Variants in EPHA5 observed in about 807,000 individuals in gnomAD.
The protein encoded by EPHA5 is EPH receptor A5, also known as ephrin type-A receptor 5.
A neutral mutation model predicts 105.0 loss-of-function variants in EPHA5; 60 were observed. The ratio of observed to expected loss-of-function variants is 0.57; its 90% CI spans 0.46 to 0.71. EPHA5 has a LOEUF of 0.71. Among genes scored for constraint, EPHA5 ranks in the 30% least tolerant of loss-of-function variants. The pLI, the probability that EPHA5 is intolerant of heterozygous loss-of-function variation, is 0.00. For missense variants in EPHA5, 1,218 were observed against 1,274.7 expected, an observed-to-expected ratio of 0.96 and a Z score of 0.68; for synonymous variants, 513 against 449.1, an observed-to-expected ratio of 1.14 and a Z score of -1.80.
chr4:65,636,571 A>G (rs962456252), intron 2 of EPHA5, among the ~76,000 whole-genome samples: 1 of 151,876 alleles, frequency 6.6e-6, no homozygotes, highest in African/African-American at 2.4e-5. Context: ...GTGCATTGTC[A>G]TTATTAGTAC....
At chr4:65,630,695 C>A (rs767651672) in intron 2 of EPHA5, among the ~76,000 whole-genome samples, 24 of 152,150 alleles carry the variant, frequency 1.6e-4, no homozygotes, top group Non-Finnish European at 2.9e-4. Context: ...CAAATTATTT[C>A]TTCTAAGGAG....
intron 3 of EPHA5, among the ~76,000 whole-genome samples, chr4:65,587,439 T>C (rs1742225482): frequency 6.6e-6 from 1 of 152,118 alleles, no homozygotes; most frequent in Non-Finnish European, 1.5e-5. Flanking sequence ...CTGTACTATT[T>C]ACAGGAGCAG....
intron 5 of EPHA5, among the ~76,000 whole-genome samples, chr4:65,477,649 T>C (rs1729955972): frequency 6.6e-6 from 1 of 152,034 alleles, no homozygotes; most frequent in South Asian, 2.1e-4. Flanking sequence ...CTTGACCTCA[T>C]GATCACCCCT....
At chr4:65,655,925 A>C (rs992782616) in intron 1 of EPHA5, among the ~76,000 whole-genome samples, 2 of 152,112 alleles carry the variant, frequency 1.3e-5, no homozygotes, top group Non-Finnish European at 2.9e-5. Context: ...TCTTCCATAC[A>C]ACATTCCTTT....
chr4:65,406,178 A>C lies in EPHA5; in HGVS notation c.1688-1699T>G, dbSNP rs138821347. Among the ~76,000 whole-genome samples, 157 of 152,272 alleles carry C rather than the reference A, an allele frequency of 1.0e-3. 1 individual carries two copies. Among genetic ancestry groups the C allele is most frequent in the African/African-American group, 3.5e-3 (146 of 41,566 alleles). On this transcript the variant is annotated intron_variant, in intron 7 of 16. Transcript: ENST00000613740. ...AAACTACTCTGCTGCTTACAAGCCTAAGCAGATATCACCTTTAGGGAGAAA... is the reference window on the plus strand; with the variant it reads ...AAACTACTCTGCTGCTTACAAGCCTCAGCAGATATCACCTTTAGGGAGAAA...
chr4:65,492,272 G>A (rs1447691661), intron 4 of EPHA5, among the ~76,000 whole-genome samples: 1 of 151,908 alleles, frequency 6.6e-6, no homozygotes, highest in Admixed American at 6.6e-5. Context: ...AGTGATTTTG[G>A]CTCATTGCCA....
At chr4:65,594,662 T>C (rs768304662) in intron 3 of EPHA5, among the ~76,000 whole-genome samples, 8 of 152,142 alleles carry the variant, frequency 5.3e-5, no homozygotes, top group Non-Finnish European at 8.8e-5. Flanking sequence ...GTCTTTTCTT[T>C]CATTGCCAAG....
chr4:65,419,283 A>C (rs536972580), intron 6 of EPHA5, among the ~76,000 whole-genome samples: 8 of 152,250 alleles, frequency 5.3e-5, no homozygotes, highest in African/African-American at 1.9e-4. Context: ...GATGGTGAGG[A>C]GAACCATTTA....
chr4:65,330,972 T>A (rs1413035851), intron 16 of EPHA5: 1 of 1,044,814 alleles, frequency 9.6e-7, no homozygotes, highest in African/African-American at 1.7e-5. Context: ...CCTGTTACCT[T>A]CTGTGGGGAG....
chr4:65,450,097 C>T (rs1015374507), intron 5 of EPHA5, among the ~76,000 whole-genome samples: 6 of 152,178 alleles, frequency 3.9e-5, no homozygotes, highest in South Asian at 2.1e-4. Context: ...ATGAATATTA[C>T]GTTTTTAAAT....
chr4:65,573,434 AAG>A lies in EPHA5; in HGVS notation c.910+28205_910+28206del. The A allele has an allele frequency of 1.2e-5, 13 of 1,102,566 alleles. No homozygotes were observed. In the South Asian group the frequency reaches 1.3e-4, roughly 11 times the overall value. 68.3% of individuals were successfully genotyped at this position (1,102,566 alleles called of 1,614,324 possible). A position where few individuals can be genotyped will look rare whatever the true frequency, so the allele number is the denominator to read the frequency against. On this transcript the variant is annotated intron_variant, in intron 3 of 16. Coordinates refer to ENST00000613740, the MANE Select transcript of EPHA5 (RefSeq NM_001281766.3). ...TCAAAAAAAAAAAAAAAAAAAAAAA[AAG>A]AAGCTCTTTCCCATCTTGCAAGATG...
At chr4:65,607,418 T>C (rs535514630) in intron 2 of EPHA5, among the ~76,000 whole-genome samples, 1 of 152,002 alleles carries the variant, frequency 6.6e-6, no homozygotes, top group South Asian at 2.1e-4. Flanking sequence ...ATTTCTGAAA[T>C]CTACCCATCT....
At chr4:65,477,870 C>T (rs1729979629) in intron 5 of EPHA5, among the ~76,000 whole-genome samples, 1 of 152,068 alleles carries the variant, frequency 6.6e-6, no homozygotes, top group African/African-American at 2.4e-5. Flanking sequence ...TCTGACATCA[C>T]TATAGATAGA....
intron 14 of EPHA5, among the ~76,000 whole-genome samples, chr4:65,346,045 G>A (rs2148835657): frequency 6.6e-6 from 1 of 150,728 alleles, no homozygotes; most frequent in Admixed American, 6.6e-5. Flanking sequence ...TTACAGGCAT[G>A]AGCCACCGCG....
At chr4:65,382,753 C>T (rs1217826819) in intron 8 of EPHA5, among the ~76,000 whole-genome samples, 1 of 151,714 alleles carries the variant, frequency 6.6e-6, no homozygotes, top group African/African-American at 2.4e-5. Flanking sequence ...GGAACTCAAA[C>T]ATCATTATTT....
At chr4:65,452,454 T>G (rs778112541) in intron 5 of EPHA5, among the ~76,000 whole-genome samples, 2 of 152,074 alleles carry the variant, frequency 1.3e-5, no homozygotes. Flanking sequence ...GTAGTGTTCT[T>G]TAAGTTACAT....
In EPHA5 at chr4:65,659,476, A is replaced by G. The variant is rs543774693; in HGVS notation, c.181+10086T>C. 7.9e-5 allele frequency among the ~76,000 whole-genome samples: 12 copies of G among 152,160 alleles called. 1 individual carries two copies. In the South Asian group the frequency reaches 2.5e-3, roughly 32 times the overall value. On this transcript the variant is annotated intron_variant, in intron 1 of 16. Transcript: ENST00000613740. ...AGAGAGAAGATGTTAATACGAGTTA[A>G]ATTAGTGTGTAAGAGTATGATGACC...
intron 6 of EPHA5, among the ~76,000 whole-genome samples, chr4:65,419,575 G>T (rs1298765372): frequency 6.6e-6 from 1 of 152,050 alleles, no homozygotes; most frequent in Non-Finnish European, 1.5e-5. Flanking sequence ...AGGCTGGTTT[G>T]GGTACCCATC....
chr4:65,632,948 T>C (rs1382379888), intron 2 of EPHA5, among the ~76,000 whole-genome samples: 2 of 152,010 alleles, frequency 1.3e-5, no homozygotes, highest in East Asian at 1.9e-4. Flanking sequence ...GAAATTTATA[T>C]GAATCATTTG....
Sources: gnomAD v4.1 joint callset for allele counts (sites outside exome capture counted in the v4.1 genomes callset) on GRCh38, gnomAD v4.1.1 for gene constraint, MANE v1.5 for transcripts, NCBI Gene and HGNC (gene_info 2026-07-23, HGNC 2026-07-21) for gene names.